Variants in RARB observed in about 807,000 individuals in gnomAD.
The protein encoded by RARB is HBV-activated protein.
RARB carries 17 observed loss-of-function variants against 51.9 expected under a neutral mutation model. That is an observed-to-expected ratio of 0.33 (90% CI 0.22 to 0.49). The LOEUF (loss-of-function observed/expected upper bound fraction) is 0.49, where lower values mean the gene tolerates loss of function less well. RARB is among the 20% of genes least tolerant of loss of function. RARB has a pLI of 0.99. For synonymous variants in RARB, 215 were observed against 195.4 expected, an observed-to-expected ratio of 1.10 and a Z score of -0.84; for missense variants, 369 against 550.8, an observed-to-expected ratio of 0.67 and a Z score of 3.30.
intron 2 of RARB, among the ~76,000 whole-genome samples, chr3:24,867,360 T>A (rs911102909): frequency 1.2e-4 from 18 of 152,160 alleles, no homozygotes; most frequent in African/African-American, 4.3e-4. Flanking sequence ...GGGAGTTGGT[T>A]AAATGAGATC....
At chr3:25,179,569 GAC>G (rs1296021700) in intron 5 of RARB, among the ~76,000 whole-genome samples, 5 of 152,104 alleles carry the variant, frequency 3.3e-5, no homozygotes, top group African/African-American at 1.2e-4. Flanking sequence ...ATGAAAGTAA[GAC>G]ACTTCTTGGG....
At chr3:25,583,431 T>C (rs192241122) in intron 5 of RARB, among the ~76,000 whole-genome samples, 2,601 of 152,282 alleles carry the variant, frequency 0.017, 39 homozygotes, top group Middle Eastern at 0.037. Context: ...CAGCCCTGAT[T>C]GAGTACCGCC....
chr3:25,552,634 G>C (rs1699893926), intron 3 of RARB, among the ~76,000 whole-genome samples: 1 of 152,182 alleles, frequency 6.6e-6, no homozygotes, highest in Non-Finnish European at 1.5e-5. Context: ...TAGAAGGTCA[G>C]TTCTCACTCT....
At chr3:25,284,873 C>T (rs528236599) in intron 5 of RARB, among the ~76,000 whole-genome samples, 7 of 152,166 alleles carry the variant, frequency 4.6e-5, no homozygotes, top group Non-Finnish European at 8.8e-5. Flanking sequence ...CCACAGGGCT[C>T]GCTGCAGACT....
intron 2 of RARB, among the ~76,000 whole-genome samples, chr3:25,057,988 C>T (rs1043263779): frequency 1.3e-5 from 2 of 151,872 alleles, no homozygotes; most frequent in Non-Finnish European, 2.9e-5. Context: ...AACTATTCCC[C>T]TCTTGATGCT....
chr3:25,313,967 C>A (rs322702), intron 5 of RARB, among the ~76,000 whole-genome samples: 55,284 of 151,568 alleles, frequency 0.36, 10,783 homozygotes, highest in African/African-American at 0.49. Flanking sequence ...GATACTTGGG[C>A]GGCTGAGGCA....
intron 3 of RARB, among the ~76,000 whole-genome samples, chr3:25,108,695 A>G (rs1699551404): frequency 6.6e-6 from 1 of 152,172 alleles, no homozygotes; most frequent in Non-Finnish European, 1.5e-5. Flanking sequence ...AGTTTGTGAC[A>G]CTTTTGACAA....
chr3:25,196,264 C>T (rs535503598), intron 5 of RARB, among the ~76,000 whole-genome samples: 2 of 151,904 alleles, frequency 1.3e-5, no homozygotes, highest in Non-Finnish European at 2.9e-5. Flanking sequence ...TGTTCCCCTT[C>T]CTGTGTCCAA....
At chr3:25,042,857 C>A (rs909798211) in intron 2 of RARB, among the ~76,000 whole-genome samples, 1 of 152,206 alleles carries the variant, frequency 6.6e-6, no homozygotes. Flanking sequence ...ATCCCCATTT[C>A]CTCTACCCCT....
At chr3:25,248,023 A>G (rs1307737094) in intron 5 of RARB, among the ~76,000 whole-genome samples, 1 of 152,114 alleles carries the variant, frequency 6.6e-6, no homozygotes, top group Non-Finnish European at 1.5e-5. Flanking sequence ...CTTCCTTTAA[A>G]TCTAATATTT....
intron 5 of RARB, among the ~76,000 whole-genome samples, chr3:25,329,957 T>G (rs1027481381): frequency 2.6e-5 from 4 of 151,250 alleles, no homozygotes; most frequent in African/African-American, 9.7e-5. Flanking sequence ...AGAAGAGAAG[T>G]TTAGAGAAAA....
rs893763820 is a variant in RARB, at chr3:25,334,797, G to T, written c.179-126396G>T. The stretch of plus-strand genomic sequence containing the variant: ...TGTGTGTTGGGAATTTTCTTAAATT[G>T]TTATCTTTCTTTTGGCACCGTTTTA... On this transcript the variant is annotated intron_variant, in intron 5 of 11. Coordinates refer to the RARB transcript ENST00000383772. Among the ~76,000 whole-genome samples the T allele has an allele frequency of 5.3e-5, 8 of 152,154 alleles. No individual in the cohort carries two copies. The East Asian group carries it at 1.5e-3, about 29-fold the overall frequency.
At chr3:25,560,482 A>G (rs1248216900) in intron 3 of RARB, among the ~76,000 whole-genome samples, 3 of 152,208 alleles carry the variant, frequency 2.0e-5, no homozygotes, top group African/African-American at 7.2e-5. Context: ...TCCATCACGT[A>G]TATTAAGCAA....
chr3:25,357,776 C>A (rs1045885540), intron 5 of RARB, among the ~76,000 whole-genome samples: 1 of 152,102 alleles, frequency 6.6e-6, no homozygotes, highest in Non-Finnish European at 1.5e-5. Flanking sequence ...GGAATCCTTT[C>A]CCCATTTCTT....
At chr3:25,245,893 G>C (rs1225249919) in intron 5 of RARB, among the ~76,000 whole-genome samples, 1 of 152,080 alleles carries the variant, frequency 6.6e-6, no homozygotes, top group Non-Finnish European at 1.5e-5. Flanking sequence ...AGTTCTCCTG[G>C]ATAATATCCT....
intron 5 of RARB, among the ~76,000 whole-genome samples, chr3:25,319,680 A>G (rs1704515563): frequency 6.6e-6 from 1 of 152,072 alleles, no homozygotes; most frequent in Non-Finnish European, 1.5e-5. Context: ...AGACTTCACC[A>G]CTTCCTGAAA....
At chr3:25,350,133 A>G (rs1040293563) in intron 5 of RARB, among the ~76,000 whole-genome samples, 2 of 152,106 alleles carry the variant, frequency 1.3e-5, no homozygotes, top group South Asian at 2.1e-4. Flanking sequence ...GAACTGGCCC[A>G]TCATTGCTTC....
intron 1 of RARB, among the ~76,000 whole-genome samples, chr3:25,436,906 A>C (rs1708458233): frequency 6.6e-6 from 1 of 152,182 alleles, no homozygotes; most frequent in Non-Finnish European, 1.5e-5. Flanking sequence ...GGTCCAAGAT[A>C]ATGCAAGTAG....
chr3:25,523,620 A>G (rs1698503452), intron 3 of RARB, among the ~76,000 whole-genome samples: 1 of 152,156 alleles, frequency 6.6e-6, no homozygotes, highest in African/African-American at 2.4e-5. Context: ...ATAAACTACA[A>G]ATTAGGATTG....
Sources: allele counts gnomAD v4.1 joint callset (sites outside exome capture counted in the v4.1 genomes callset), GRCh38; gene constraint gnomAD v4.1.1; transcripts MANE v1.5; gene names NCBI Gene and HGNC (gene_info 2026-07-23, HGNC 2026-07-21).